The following SLC2A4RG variants were observed in gnomAD, a reference collection of about 807,000 sequenced individuals.
SLC2A4RG encodes the protein GLUT4 enhancer factor.
Under a neutral mutation model 35.5 loss-of-function variants are expected in SLC2A4RG, and 23 were observed. That is an observed-to-expected ratio of 0.65 (90% CI 0.47 to 0.92). The LOEUF (loss-of-function observed/expected upper bound fraction) is 0.92, where lower values mean the gene tolerates loss of function less well. SLC2A4RG is among the 40% of genes least tolerant of loss of function. The pLI, the probability that SLC2A4RG is intolerant of heterozygous loss-of-function variation, is 0.00. For missense variants in SLC2A4RG, 539 were observed against 525.0 expected, an observed-to-expected ratio of 1.03 and a Z score of -0.26; for synonymous variants, 306 against 243.7, an observed-to-expected ratio of 1.26 and a Z score of -2.38.
rs201632478 is a variant in SLC2A4RG, at chr20:63,741,461, G to C, written c.373G>C (p.Val125Leu). The C allele has an allele frequency of 1.2e-6, 2 of 1,613,374 alleles. No homozygotes were observed. Among genetic ancestry groups the C allele is most frequent in the East Asian group, 2.2e-5 (1 of 44,876 alleles). Residue 125 changes from valine to leucine, a missense_variant, in exon 3 of 8, where the codon GTT (valine) becomes CTT (leucine). Coordinates refer to ENST00000266077, the MANE Select transcript of SLC2A4RG (RefSeq NM_020062.4). ...STSPLLLGAPVAAFSPEPGLE... is the reference protein window; with the variant it reads ...STSPLLLGAPLAAFSPEPGLE... ...CAGCCCTCTCCTTCTGGGGGCCCCG[G>C]TTGCAGCCTTCAGCCCAGGTAAGAC... is the stretch of plus-strand genomic sequence containing the variant.
chr20:63,742,057 G>A lies in SLC2A4RG; in HGVS notation c.579+1G>A. Reference sequence around the variant, plus strand: ...GGAGCCCACCCTGAGAAAAAGGAAGGTGAGCTTGGGGGCGGCCCCCAGGGA... The same window carrying A: ...GGAGCCCACCCTGAGAAAAAGGAAGATGAGCTTGGGGGCGGCCCCCAGGGA... On this transcript the variant is annotated splice_donor_variant, in intron 4 of 7. Coordinates refer to ENST00000266077, the MANE Select transcript of SLC2A4RG (RefSeq NM_020062.4). LOFTEE classifies it high-confidence loss of function. 1 of 1,611,566 alleles carries A rather than the reference G, an allele frequency of 6.2e-7. No homozygotes were observed. Among genetic ancestry groups the A allele is most frequent in the Non-Finnish European group, 8.5e-7 (1 of 1,178,602 alleles).
rs1445693550 is a variant in SLC2A4RG at position 63,743,892 on chromosome 20, T to TACAA, written c.*906_*909dup. The TACAA allele has an allele frequency of 2.0e-5, 3 of 152,372 alleles. No homozygotes were observed. The highest frequency in any genetic ancestry group is 3.8e-4 in the East Asian group (2 of 5,312). The allele number at this position is 152,372 out of a possible 1,614,324, so 9.4% of individuals were successfully genotyped here. On this transcript the variant is annotated 3_prime_UTR_variant, in exon 8 of 8. Coordinates refer to ENST00000266077, the MANE Select transcript of SLC2A4RG (RefSeq NM_020062.4). ...CCCCCAATAGTAGACACATCTCCAA[T>TACAA]ACAAACACAGGTTTATAATAAGTAA...
In SLC2A4RG at chr20:63,741,133, C is replaced by A; in HGVS notation, c.282-237C>A. 1.3e-5 allele frequency: 7 copies of A among 557,996 alleles called. No homozygotes were observed. The Middle Eastern group carries it at 2.9e-3, about 233-fold the overall frequency. 34.6% of individuals were successfully genotyped at this position (557,996 alleles called of 1,614,324 possible). ...AGTATCTGAAGGAACCACAGTGGAG[C>A]CAAGCCCGCGATGTGGAGAACTCAG... On this transcript the variant is annotated intron_variant, in intron 2 of 7. Transcript: ENST00000266077.
chr20:63,742,450 C>G lies in SLC2A4RG; in HGVS notation c.795C>G (p.Pro265=). The change falls in exon 6 of 8, where the codon CCC becomes CCG. Residue 265 remains proline, a synonymous_variant. Coordinates refer to ENST00000266077, the MANE Select transcript of SLC2A4RG (RefSeq NM_020062.4). ...DGLSSLTPVS[P]TASMPPAFPR... is the part of the protein sequence containing the mutation. ...TGTCCAGCCTGACTCCAGTGTCCCC[C>G]ACGGCCTCCATGCCGCCTGCCTTCC... 1 of 1,601,280 alleles carries G rather than the reference C, an allele frequency of 6.2e-7. No individual in the cohort carries two copies. The highest frequency in any genetic ancestry group is 1.1e-5 in the South Asian group (1 of 89,484).
At chr20:63,741,772 A>T (rs2092042842) in intron 3 of SLC2A4RG, 97 bp from the exon 4 acceptor site, 29 of 1,452,290 alleles carry the variant, frequency 2.0e-5, no homozygotes, top group Non-Finnish European at 2.6e-5. Context: ...CGCTCTGCCC[A>T]CCAGTCTCAC....
At chr20:63,741,584 C>A in intron 3 of SLC2A4RG, 105 bp downstream of exon 3, 1 of 1,214,284 alleles carries the variant, frequency 8.2e-7, no homozygotes, top group Non-Finnish European at 1.1e-6. Flanking sequence ...ACCTGGGACT[C>A]CTTTCTAAAA....
chr20:63,741,753 C>T (rs933758485), intron 3 of SLC2A4RG, 116 bp from the exon 4 acceptor site: 9 of 1,441,264 alleles, frequency 6.2e-6, no homozygotes, highest in South Asian at 2.9e-5. Context: ...GGGGCCAGCT[C>T]CTCCAAGACG....
chr20:63,740,307 C>T (rs1464523584), intron 1 of SLC2A4RG, 70 bp from the exon 2 acceptor site: 60 of 1,043,166 alleles, frequency 5.8e-5, no homozygotes, highest in Non-Finnish European at 7.3e-5. Flanking sequence ...AGCGGATCCG[C>T]GGCGGAGGTT....
At chr20:63,741,145 T>G in intron 2 of SLC2A4RG, 7 of 559,586 alleles carry the variant, frequency 1.3e-5, no homozygotes, top group East Asian at 3.1e-5. Flanking sequence ...AAGCCCGCGA[T>G]GTGGAGAACT....
rs1342233261 is a variant in SLC2A4RG at position 63,742,596 on chromosome 20, A to G, written c.941A>G (p.His314Arg). The G allele has an allele frequency of 6.3e-7, 1 of 1,575,808 alleles. No homozygotes were observed. The highest frequency in any genetic ancestry group is 1.2e-5 in the South Asian group (1 of 86,412). Residue 314 changes from histidine to arginine, a missense_variant, in exon 6 of 8, where the codon CAC (histidine) becomes CGC (arginine). Transcript: ENST00000266077. Reference protein sequence around the residue: ...LSTVANPQSCHSDRVYQGCLT... With the variant: ...LSTVANPQSCRSDRVYQGCLT... ...ACCGTTGCTAACCCCCAGTCCTGTC[A>G]CAGTGACCGTGTCTACCAGGTGGGT... is the stretch of plus-strand genomic sequence containing the variant.
intron 3 of SLC2A4RG, 66 bp downstream of exon 3, chr20:63,741,545 AGCCTCTGT>A (rs2092041566): frequency 1.4e-6 from 2 of 1,430,380 alleles, no homozygotes; most frequent in Non-Finnish European, 1.9e-6. Context: ...ACAGCCACCC[AGCCTCTGT>A]GGGGCAAGCA....
At position 63,742,189 on chromosome 20, in the gene SLC2A4RG, G is replaced by T. The variant is rs769686864; in HGVS notation, c.639G>T (p.Thr213=). The change falls in exon 5 of 8, where the codon ACG becomes ACT. Residue 213 remains threonine (T), a synonymous_variant. Coordinates refer to ENST00000266077, the MANE Select transcript of SLC2A4RG (RefSeq NM_020062.4). The part of the protein sequence containing the change: ...LWKSCGKVLS[T]ASAMQRHIRL... ...AGAGCTGCGGGAAGGTGCTGAGCAC[G>T]GCGTCGGCGATGCAGAGACACATCC... The T allele has an allele frequency of 1.9e-6, 3 of 1,601,900 alleles. No homozygotes were observed. Among genetic ancestry groups the T allele is most frequent in the South Asian group, 1.1e-5 (1 of 89,754 alleles).
chr20:63,742,024 C>T lies in SLC2A4RG; in HGVS notation c.547C>T (p.Leu183=). ...ACTGCCCCCCGAGGCAGCCCACTTT[C>T]TGTTTGGGGAGCCCACCCTGAGAAA... ...PPLPPEAAHF[L]FGEPTLRKRK... The change falls in exon 4 of 8, where the codon CTG becomes TTG. Residue 183 remains leucine (L), a synonymous_variant. Transcript: ENST00000266077. 2 of 1,612,420 alleles carry T rather than the reference C, an allele frequency of 1.2e-6. No homozygotes were observed. The highest frequency in any genetic ancestry group is 1.7e-6 in the Non-Finnish European group (2 of 1,179,316).
At position 63,739,991 on chromosome 20, in the gene SLC2A4RG, G is replaced by A. The variant is rs2092033450; in HGVS notation, c.79G>A (p.Gly27Ser). ...RAEAPWLRAEGPGPRAAPVTV... is the reference protein window; with the variant it reads ...RAEAPWLRAESPGPRAAPVTV... ...CGAGGCGCCGTGGCTGCGCGCGGAG[G>A]GTCCGGGGCCGCGCGCCGCGCCCGT... The change falls in exon 1 of 8, where the codon GGT (glycine) becomes AGT (serine). Residue 27 changes from glycine to serine, a missense_variant. By Grantham distance (56) the Gly-to-Ser change is moderately conservative. Coordinates refer to ENST00000266077, the MANE Select transcript of SLC2A4RG (RefSeq NM_020062.4). The A allele has an allele frequency of 2.0e-6, 2 of 980,822 alleles. No individual in the cohort carries two copies. The highest frequency in any genetic ancestry group is 2.4e-6 in the Non-Finnish European group (2 of 828,354). The allele number at this position is 980,822 out of a possible 1,614,324, so 60.8% of individuals were successfully genotyped here. A position where few individuals can be genotyped will look rare whatever the true frequency, so the allele number is the denominator to read the frequency against.
intron 2 of SLC2A4RG, 85 bp downstream of exon 2, chr20:63,740,616 AG>A: frequency 8.4e-7 from 1 of 1,191,674 alleles, no homozygotes; most frequent in East Asian, 3.2e-5. Flanking sequence ...GACGGAGGCC[AG>A]GTCAGGGCCC....
At chr20:63,740,659 C>G in intron 2 of SLC2A4RG, 128 bp downstream of exon 2, 6 of 962,744 alleles carry the variant, frequency 6.2e-6, no homozygotes, top group Non-Finnish European at 8.1e-6. Flanking sequence ...CCCCCAAGCT[C>G]TTCAGCCCTG....
Position 63,743,787 on chromosome 20 carries a change from G to A in SLC2A4RG, c.*797G>A, listed in dbSNP as rs1373641882. On this transcript the variant is annotated 3_prime_UTR_variant, in exon 8 of 8. Coordinates refer to ENST00000266077, the MANE Select transcript of SLC2A4RG (RefSeq NM_020062.4). Reference sequence around the variant, plus strand: ...GGCAGAAACTTGGAGACTCACCGCAGAGGCCACGTGAACCCACGGCCACAG... The same window carrying A: ...GGCAGAAACTTGGAGACTCACCGCAAAGGCCACGTGAACCCACGGCCACAG... 1 of 152,508 alleles carries A rather than the reference G, an allele frequency of 6.6e-6. No individual in the cohort carries two copies. The highest frequency in any genetic ancestry group is 1.5e-5 in the Non-Finnish European group (1 of 68,064). The allele number at this position is 152,508 out of a possible 1,614,324, so 9.4% of individuals were successfully genotyped here.
chr20:63,742,661 CT>C (rs757783925), intron 6 of SLC2A4RG, 37 bp from the exon 7 acceptor site: 1 of 1,592,106 alleles, frequency 6.3e-7, no homozygotes, highest in South Asian at 1.1e-5. Flanking sequence ...TCAGGGCTCT[CT>C]GGAGGGGAGT....
chr20:63,743,133 G>GT lies in SLC2A4RG; in HGVS notation c.*143_*144insT. ...GCTTTTACTTGGGGTGGGGGGGCGG[G>GT]GCTGACCCTGAACCCTCCCCCCCGC... On this transcript the variant is annotated 3_prime_UTR_variant, in exon 8 of 8. Transcript: ENST00000266077. The GT allele has an allele frequency of 3.4e-6, 1 of 294,448 alleles. No individual in the cohort carries two copies. The highest frequency in any genetic ancestry group is 6.7e-6 in the Non-Finnish European group (1 of 148,194). The allele number at this position is 294,448 out of a possible 1,614,324, so 18.2% of individuals were successfully genotyped here.
Sources: gnomAD v4.1 joint callset for allele counts on GRCh38, gnomAD v4.1.1 for gene constraint, MANE v1.5 for transcripts, NCBI Gene and HGNC (gene_info 2026-07-23, HGNC 2026-07-21) for gene names.